Variants in ADK observed in about 807,000 individuals in gnomAD.
ADK encodes adenosine kinase.
ADK carries 24 observed loss-of-function variants against 44.7 expected under a neutral mutation model. That is an observed-to-expected ratio of 0.54 (90% confidence interval 0.39 to 0.76). The LOEUF (loss-of-function observed/expected upper bound fraction) is 0.76. ADK is among the 30% of genes least tolerant of loss of function. The pLI is 0.00. For missense variants in ADK, 321 were observed against 425.1 expected (o/e 0.76, Z 2.15); for synonymous variants, 128 against 142.6 (o/e 0.90, Z 0.73).
At chr10:74,212,312 C>T (rs1240803876) in intron 2 of ADK, among the ~76,000 whole-genome samples, 1 of 152,168 alleles carries the variant, frequency 6.6e-6, no homozygotes, top group Non-Finnish European at 1.5e-5. Context: ...CATTTCACAG[C>T]TCAACACACA....
At chr10:74,387,105 T>C (rs1252325455) in intron 4 of ADK, among the ~76,000 whole-genome samples, 1 of 152,136 alleles carries the variant, frequency 6.6e-6, no homozygotes, top group African/African-American at 2.4e-5. Flanking sequence ...CCTGGGTAAT[T>C]ATTGCATTTT....
intron 6 of ADK, among the ~76,000 whole-genome samples, chr10:74,414,487 G>A (rs1418663870): frequency 6.6e-6 from 1 of 152,182 alleles, no homozygotes; most frequent in South Asian, 2.1e-4. Context: ...TGTAATCCCA[G>A]CATTTTGGGA....
intron 10 of ADK, among the ~76,000 whole-genome samples, chr10:74,690,490 C>T (rs1005729366): frequency 2.6e-5 from 4 of 152,080 alleles, no homozygotes; most frequent in Admixed American, 6.5e-5. Context: ...AATGAGACCC[C>T]GTCTCAAAAA....
intron 6 of ADK, among the ~76,000 whole-genome samples, chr10:74,429,381 G>C (rs920953026): frequency 7.9e-5 from 12 of 152,162 alleles, no homozygotes; most frequent in Non-Finnish European, 1.6e-4. Flanking sequence ...ATACAGTGAA[G>C]TCATAACTTG....
At chr10:74,306,000 T>C (rs1369937768) in intron 3 of ADK, among the ~76,000 whole-genome samples, 1 of 152,122 alleles carries the variant, frequency 6.6e-6, no homozygotes, top group Non-Finnish European at 1.5e-5. Flanking sequence ...GCTGAGATTA[T>C]AGTTGTGAGC....
intron 4 of ADK, among the ~76,000 whole-genome samples, chr10:74,316,604 G>C (rs1840629727): frequency 6.6e-6 from 1 of 152,154 alleles, no homozygotes; most frequent in Admixed American, 6.5e-5. Context: ...CTTCTGCCAT[G>C]ATTATAAGTT....
intron 1 of ADK, among the ~76,000 whole-genome samples, chr10:74,153,327 G>A (rs1393639832): frequency 6.6e-6 from 1 of 152,158 alleles, no homozygotes; most frequent in Non-Finnish European, 1.5e-5. Flanking sequence ...CTAGTGGATG[G>A]AATTCAGGGG....
chr10:74,230,667 C>T (rs1844724488), intron 3 of ADK, among the ~76,000 whole-genome samples: 1 of 149,288 alleles, frequency 6.7e-6, no homozygotes, highest in African/African-American at 2.4e-5. Flanking sequence ...GCATGATCTA[C>T]TGCACCCAGC....
At chr10:74,182,162 G>A (rs1162365825) in intron 1 of ADK, among the ~76,000 whole-genome samples, 6 of 152,142 alleles carry the variant, frequency 3.9e-5, no homozygotes, top group Non-Finnish European at 7.3e-5. Flanking sequence ...TCTTTGTTGA[G>A]TTGGTTTCTT....
intron 1 of ADK, among the ~76,000 whole-genome samples, chr10:74,177,742 G>C (rs2132071536): frequency 6.6e-6 from 1 of 152,000 alleles, no homozygotes; most frequent in East Asian, 1.9e-4. Flanking sequence ...AATGTGAAGA[G>C]AAATAAAATA....
At chr10:74,552,925 C>A (rs1850086950) in intron 7 of ADK, among the ~76,000 whole-genome samples, 1 of 152,122 alleles carries the variant, frequency 6.6e-6, no homozygotes, top group South Asian at 2.1e-4. Flanking sequence ...AAAAGGACTA[C>A]TAATTGTTGA....
intron 1 of ADK, among the ~76,000 whole-genome samples, chr10:74,178,499 T>C (rs1842426689): frequency 6.6e-6 from 1 of 152,240 alleles, no homozygotes; most frequent in Non-Finnish European, 1.5e-5. Context: ...AGGGGTCAAA[T>C]ACTTTCTGTG....
intron 2 of ADK, among the ~76,000 whole-genome samples, chr10:74,216,859 C>A (rs1286311982): frequency 6.6e-6 from 1 of 152,066 alleles, no homozygotes; most frequent in East Asian, 1.9e-4. Flanking sequence ...AGTATGTCAT[C>A]CTTTTTATAT....
chr10:74,541,633 A>G (rs1476182646), intron 7 of ADK, among the ~76,000 whole-genome samples: 7 of 150,592 alleles, frequency 4.6e-5, no homozygotes, highest in Admixed American at 2.6e-4. Flanking sequence ...CTGTCTCTAC[A>G]AAAAGTAAAA....
At chr10:74,251,382 TA>T (rs1845645829) in intron 3 of ADK, among the ~76,000 whole-genome samples, 1 of 152,196 alleles carries the variant, frequency 6.6e-6, no homozygotes, top group Admixed American at 6.5e-5. Flanking sequence ...GTAGAATCAA[TA>T]ATTTTTCTGG....
chr10:74,560,551 T>A (rs1030871543), intron 7 of ADK, among the ~76,000 whole-genome samples: 10 of 152,216 alleles, frequency 6.6e-5, no homozygotes, highest in Non-Finnish European at 1.0e-4. Context: ...TGCTGTAAAG[T>A]CATAGTAGCA....
intron 2 of ADK, among the ~76,000 whole-genome samples, chr10:74,211,642 T>G (rs1459989204): frequency 2.0e-5 from 3 of 152,192 alleles, no homozygotes; most frequent in Non-Finnish European, 4.4e-5. Context: ...TGTTTCATGA[T>G]TATGGAAATG....
intron 10 of ADK, among the ~76,000 whole-genome samples, chr10:74,689,343 T>C (rs1425095507): frequency 6.6e-6 from 1 of 152,134 alleles, no homozygotes; most frequent in East Asian, 1.9e-4. Flanking sequence ...TATTTAATAA[T>C]AATTGTACTA....
chr10:74,497,522 G>GT (rs1156599177), intron 6 of ADK, among the ~76,000 whole-genome samples: 1 of 152,138 alleles, frequency 6.6e-6, no homozygotes, highest in African/African-American at 2.4e-5. Flanking sequence ...TGTTTAGTGA[G>GT]TGCTATGTGC....
Sources: gnomAD v4.1 joint callset for allele counts (sites outside exome capture counted in the v4.1 genomes callset) on GRCh38, gnomAD v4.1.1 for gene constraint, MANE v1.5 for transcripts, NCBI Gene and HGNC (gene_info 2026-07-23, HGNC 2026-07-21) for gene names.